Variants in DENND5A observed in about 807,000 individuals in gnomAD.
The protein encoded by DENND5A is DENN domain containing 5A.
In DENND5A, 64 loss-of-function variants were observed where a neutral mutation model predicts 140.3. The ratio of observed to expected loss-of-function variants is 0.46; its 90% confidence interval spans 0.37 to 0.56. The LOEUF is 0.56. Among genes scored for constraint, DENND5A ranks in the 20% least tolerant of loss-of-function variants. The pLI, the probability that DENND5A is intolerant of heterozygous loss-of-function variation, is 0.00. For synonymous variants in DENND5A, 605 were observed against 607.7 expected (o/e 1.00, Z 0.07); for missense variants, 1,292 against 1,593.8 (o/e 0.81, Z 3.22).
chr11:9,178,805 C>A lies in DENND5A; in HGVS notation c.1671+53G>T, dbSNP rs185862050. The A allele has an allele frequency of 2.8e-6, 4 of 1,430,412 alleles. No individual in the cohort carries two copies. In the East Asian group the frequency reaches 9.1e-5, roughly 33 times the overall value. 88.6% of individuals were successfully genotyped at this position (1,430,412 alleles called of 1,614,324 possible). A position where few individuals can be genotyped will look rare whatever the true frequency, so the allele number is the denominator to read the frequency against. On this transcript the variant is annotated intron_variant, in intron 7 of 22. Coordinates refer to ENST00000328194, the MANE Select transcript of DENND5A (RefSeq NM_015213.4). Reference sequence around the variant, plus strand: ...GTAATTTTCCATTACTTCTTCAAGACATAACTGGCAAGTTCTCATTCCTCA... The same window carrying A: ...GTAATTTTCCATTACTTCTTCAAGAAATAACTGGCAAGTTCTCATTCCTCA...
chr11:9,184,307 C>T (rs563389177), intron 5 of DENND5A, among the ~76,000 whole-genome samples: 2 of 151,626 alleles, frequency 1.3e-5, no homozygotes, highest in African/African-American at 2.4e-5. Context: ...GAGCCAAGAT[C>T]GCGCCACTGC....
At chr11:9,240,536 C>A (rs1028864544) in intron 1 of DENND5A, among the ~76,000 whole-genome samples, 3 of 152,068 alleles carry the variant, frequency 2.0e-5, no homozygotes, top group African/African-American at 7.2e-5. Context: ...GTGGTGAAAA[C>A]CCATCGCTAG....
At chr11:9,227,519 C>G (rs566953932) in intron 1 of DENND5A, among the ~76,000 whole-genome samples, 1 of 152,176 alleles carries the variant, frequency 6.6e-6, no homozygotes, top group African/African-American at 2.4e-5. Flanking sequence ...CCAGATGAAG[C>G]TGGGAAGGTA....
At chr11:9,156,961 G>A (rs1353497155) in intron 12 of DENND5A, among the ~76,000 whole-genome samples, 1 of 152,026 alleles carries the variant, frequency 6.6e-6, no homozygotes, top group Non-Finnish European at 1.5e-5. Context: ...CTCCTATGGT[G>A]AGAATTACTG....
intron 1 of DENND5A, among the ~76,000 whole-genome samples, chr11:9,231,276 G>A (rs1369566137): frequency 6.6e-6 from 1 of 152,170 alleles, no homozygotes; most frequent in Admixed American, 6.6e-5. Context: ...CTGTTTCACA[G>A]AATGTATACC....
At chr11:9,161,057 G>A (rs2316088) in intron 11 of DENND5A, among the ~76,000 whole-genome samples, 192 bp from the exon 12 acceptor site, 33,300 of 152,124 alleles carry the variant, frequency 0.22, 3,898 homozygotes, top group African/African-American at 0.29. Context: ...TAAAAATTTA[G>A]TTAAGAAAGG....
At chr11:9,177,983 C>T (rs1040429665) in intron 8 of DENND5A, 149 bp downstream of exon 8, 5 of 682,422 alleles carry the variant, frequency 7.3e-6, no homozygotes, top group East Asian at 5.0e-5. Flanking sequence ...GATAACCAGG[C>T]AAAAAGAAAA....
At chr11:9,247,409 TACA>T (rs1223229298) in intron 1 of DENND5A, among the ~76,000 whole-genome samples, 2 of 152,080 alleles carry the variant, frequency 1.3e-5, no homozygotes, top group African/African-American at 4.8e-5. Flanking sequence ...AATTTAGTTC[TACA>T]ACAACTCTGA....
chr11:9,167,991 A>G (rs939284488), intron 10 of DENND5A, among the ~76,000 whole-genome samples: 1 of 152,048 alleles, frequency 6.6e-6, no homozygotes, highest in Non-Finnish European at 1.5e-5. Flanking sequence ...TCTTGAAGTT[A>G]TCTTTCTATC....
chr11:9,237,009 A>C (rs1851031239), intron 1 of DENND5A, among the ~76,000 whole-genome samples: 1 of 152,220 alleles, frequency 6.6e-6, no homozygotes, highest in Non-Finnish European at 1.5e-5. Context: ...AAAAAAGATA[A>C]ACACCACAAC....
chr11:9,210,991 G>A (rs75868681), intron 1 of DENND5A, among the ~76,000 whole-genome samples: 2,066 of 152,250 alleles, frequency 0.014, 63 homozygotes, highest in African/African-American at 0.047. Flanking sequence ...CAACTTTCCT[G>A]CAGACAAGTA....
chr11:9,243,197 C>G (rs1305072137), intron 1 of DENND5A, among the ~76,000 whole-genome samples: 1 of 151,306 alleles, frequency 6.6e-6, no homozygotes, highest in Non-Finnish European at 1.5e-5. Flanking sequence ...ATGCACCACA[C>G]TCATAACTAA....
chr11:9,232,214 TAA>T (rs1404036430), intron 1 of DENND5A, among the ~76,000 whole-genome samples: 6 of 152,192 alleles, frequency 3.9e-5, no homozygotes, highest in Admixed American at 2.0e-4. Flanking sequence ...CACTAAACAT[TAA>T]GAGAGAAAAA....
At chr11:9,160,974 AG>A (rs1161640500) in intron 11 of DENND5A, 109 bp from the exon 12 acceptor site, 1 of 1,049,664 alleles carries the variant, frequency 9.5e-7, no homozygotes, top group African/African-American at 1.6e-5. Context: ...TGGGAAGGAC[AG>A]GATGAATTAG....
rs71453905 is a variant in DENND5A at position 9,211,929 on chromosome 11, C to CA, written c.110-4298dup. 5.0e-3 allele frequency among the ~76,000 whole-genome samples: 423 copies of CA among 84,684 alleles called. 5 individuals are homozygous for CA. Among genetic ancestry groups the CA allele is most frequent in the African/African-American group, 8.2e-3 (185 of 22,442 alleles). The allele number at this position is 84,684 out of a possible 152,430, so 55.6% of individuals were successfully genotyped here. On this transcript the variant is annotated intron_variant, in intron 1 of 22. Coordinates refer to ENST00000328194, the MANE Select transcript of DENND5A (RefSeq NM_015213.4). ...TGGGCAACAGAGCAAGACTCCGTCT[C>CA]AAAAAAAAAAAAAAAAAAAACAGAT...
At chr11:9,215,879 G>A (rs973878597) in intron 1 of DENND5A, among the ~76,000 whole-genome samples, 1 of 152,092 alleles carries the variant, frequency 6.6e-6, no homozygotes, top group Admixed American at 6.6e-5. Flanking sequence ...AAGTTAGTTA[G>A]ATGTATACGC....
intron 13 of DENND5A, 44 bp downstream of exon 13, chr11:9,152,314 A>G (rs762557546): frequency 4.3e-6 from 6 of 1,405,166 alleles, no homozygotes; most frequent in Non-Finnish European, 6.1e-6. Context: ...GGGTGATGGA[A>G]AAGTGGAGAG....
intron 5 of DENND5A, among the ~76,000 whole-genome samples, chr11:9,189,541 C>A (rs1395376551): frequency 1.3e-5 from 2 of 152,024 alleles, no homozygotes; most frequent in Non-Finnish European, 2.9e-5. Context: ...AGGAGGGAGG[C>A]TGTACCCTGC....
chr11:9,210,810 C>T (rs1448933265), intron 1 of DENND5A, among the ~76,000 whole-genome samples: 1 of 152,218 alleles, frequency 6.6e-6, no homozygotes, highest in African/African-American at 2.4e-5. Flanking sequence ...CATGCTCCAC[C>T]ACACCCAGTT....
Sources: gnomAD v4.1 joint callset for allele counts (sites outside exome capture counted in the v4.1 genomes callset) on GRCh38, gnomAD v4.1.1 for gene constraint, MANE v1.5 for transcripts, NCBI Gene and HGNC (gene_info 2026-07-23, HGNC 2026-07-21) for gene names.